The following SLC2A9 variants were observed in gnomAD, a reference collection of about 807,000 sequenced individuals.
SLC2A9 encodes solute carrier family 2, facilitated glucose transporter member 9.
Under a neutral mutation model 50.6 loss-of-function variants are expected in SLC2A9, and 39 were observed. That is an observed-to-expected ratio of 0.77 (90% CI 0.60 to 1.01). The LOEUF (loss-of-function observed/expected upper bound fraction) is 1.01. SLC2A9 is among the 50% of genes least tolerant of loss of function. The pLI, the probability that SLC2A9 is intolerant of heterozygous loss-of-function variation, is 0.00. For missense variants in SLC2A9, 686 were observed against 677.6 expected (o/e 1.01, Z -0.14); for synonymous variants, 324 against 276.9 (o/e 1.17, Z -1.69).
chr4:9,887,702 T>C, intron 9 of SLC2A9, 60 bp from the exon 10 acceptor site: 1 of 1,332,834 alleles, frequency 7.5e-7, no homozygotes, highest in Non-Finnish European at 9.9e-7. Context: ...AGGACCTGAG[T>C]TCCCACCCCA....
intron 6 of SLC2A9, 89 bp from the exon 7 acceptor site, chr4:9,920,661 C>T: frequency 6.8e-7 from 1 of 1,467,194 alleles, no homozygotes; most frequent in South Asian, 1.2e-5. Context: ...GGTCCCACCT[C>T]CTAGCCACAC....
chr4:10,020,160 A>G (rs967112834), intron 1 of SLC2A9, among the ~76,000 whole-genome samples: 2 of 152,022 alleles, frequency 1.3e-5, no homozygotes, highest in African/African-American at 4.8e-5. Context: ...ATATCAGTCA[A>G]ATCCCGTCTG....
intron 5 of SLC2A9, among the ~76,000 whole-genome samples, chr4:9,959,374 G>T (rs1182129200): frequency 6.9e-6 from 1 of 145,404 alleles, no homozygotes. Context: ...TCTAGCCTCG[G>T]AGATACACGA....
intron 8 of SLC2A9, among the ~76,000 whole-genome samples, chr4:9,899,481 G>T (rs1173304677): frequency 6.6e-6 from 1 of 152,174 alleles, no homozygotes; most frequent in Non-Finnish European, 1.5e-5. Context: ...AAGAAGCCAA[G>T]ACCTTGGAAA....
intron 5 of SLC2A9, among the ~76,000 whole-genome samples, chr4:9,973,178 C>T (rs1052927932): frequency 1.3e-5 from 2 of 152,066 alleles, no homozygotes; most frequent in South Asian, 2.1e-4. Flanking sequence ...TCTAGGCACA[C>T]AAACTAGAAA....
At chr4:9,856,774 T>C (rs1420346285) in intron 10 of SLC2A9, among the ~76,000 whole-genome samples, 2 of 152,232 alleles carry the variant, frequency 1.3e-5, no homozygotes, top group East Asian at 1.9e-4. Flanking sequence ...CATGGAATAC[T>C]ATGCAGCCAT....
intron 8 of SLC2A9, among the ~76,000 whole-genome samples, chr4:9,897,097 G>A (rs1005506422): frequency 2.6e-4 from 40 of 152,166 alleles, no homozygotes; most frequent in African/African-American, 9.7e-4. Flanking sequence ...TTAGCAACCT[G>A]GCTAAGGTTG....
intron 5 of SLC2A9, among the ~76,000 whole-genome samples, chr4:9,971,858 A>G (rs1753955478): frequency 6.6e-6 from 1 of 152,242 alleles, no homozygotes; most frequent in Non-Finnish European, 1.5e-5. Flanking sequence ...AACCTTGCAC[A>G]AAGGCCACTA....
In SLC2A9 at chr4:9,965,880, T is replaced by G. The variant is rs79384197; in HGVS notation, c.681+14712A>C. Among the ~76,000 whole-genome samples the G allele has an allele frequency of 6.7e-3, 1,016 of 152,250 alleles. 8 individuals are homozygous for G. The highest frequency in any genetic ancestry group is 0.023 in the African/African-American group (975 of 41,558). ...AACTCAAAAGAAAATAAAAATAGAT[T>G]TTTACGAAAGTAGTTAAAAGATATT... On this transcript the variant is annotated intron_variant, in intron 5 of 11. Transcript: ENST00000264784.
chr4:10,031,957 G>C (rs1450605509), intron 1 of SLC2A9, among the ~76,000 whole-genome samples: 1 of 152,220 alleles, frequency 6.6e-6, no homozygotes, highest in South Asian at 2.1e-4. Context: ...GGCAAAACAG[G>C]GCGCTGGAAA....
intron 2 of SLC2A9, among the ~76,000 whole-genome samples, chr4:9,998,816 A>G (rs551068072): frequency 3.7e-4 from 57 of 152,320 alleles, no homozygotes; most frequent in African/African-American, 1.3e-3. Context: ...TCACAGCCAC[A>G]AACATGAATG....
At position 9,987,862 on chromosome 4, in the gene SLC2A9, A is replaced by G. The variant is rs747217244; in HGVS notation, c.411-2069T>C. On this transcript the variant is annotated intron_variant, in intron 3 of 11. Coordinates refer to ENST00000264784, the MANE Select transcript of SLC2A9 (RefSeq NM_020041.3). Reference sequence around the variant, plus strand: ...AGAAAAGAAAAAGAAAGAAAGAAACATCAGTGAGGCCAGCCTGGCTGGAGG... The same window carrying G: ...AGAAAAGAAAAAGAAAGAAAGAAACGTCAGTGAGGCCAGCCTGGCTGGAGG... 5.9e-5 allele frequency among the ~76,000 whole-genome samples: 9 copies of G among 152,186 alleles called. 1 individual carries two copies. The highest frequency in any genetic ancestry group is 1.3e-4 in the Non-Finnish European group (9 of 68,044).
At chr4:9,881,204 T>C (rs1202709560) in intron 10 of SLC2A9, among the ~76,000 whole-genome samples, 1 of 152,236 alleles carries the variant, frequency 6.6e-6, no homozygotes. Context: ...CCAGTGGTTC[T>C]TGAACTTGGC....
intron 3 of SLC2A9, among the ~76,000 whole-genome samples, chr4:9,788,633 C>A (rs1719521687): frequency 6.6e-6 from 1 of 152,170 alleles, no homozygotes; most frequent in African/African-American, 2.4e-5. Context: ...CTAGGGGCAA[C>A]ACTCAGAACA....
chr4:10,019,252 C>T (rs1261474293), intron 1 of SLC2A9, 179 bp from the exon 2 acceptor site: 3 of 610,056 alleles, frequency 4.9e-6, no homozygotes, highest in African/African-American at 3.7e-5. Flanking sequence ...GGTTCCAGTC[C>T]AGGTCCGCGT....
chr4:9,882,768 A>T (rs971653158), intron 10 of SLC2A9, among the ~76,000 whole-genome samples: 15 of 152,128 alleles, frequency 9.9e-5, no homozygotes, highest in African/African-American at 3.6e-4. Flanking sequence ...GCTGATCTAT[A>T]AACCATCTTC....
intron 2 of SLC2A9, among the ~76,000 whole-genome samples, chr4:9,997,722 T>A (rs11943372): frequency 0.72 from 108,299 of 150,608 alleles, 39,006 homozygotes; most frequent in Non-Finnish European, 0.76. Context: ...GGGGGGCACA[T>A]ACCTAACAAA....
chr4:9,777,494 G>T (rs192874676), downstream of SLC2A9, among the ~76,000 whole-genome samples: 99 of 152,262 alleles, frequency 6.5e-4, no homozygotes, highest in East Asian at 4.6e-3. Context: ...AAAAATGCTT[G>T]TGGAATGAAT....
chr4:9,961,117 C>T (rs533614452), intron 5 of SLC2A9, among the ~76,000 whole-genome samples: 1 of 152,274 alleles, frequency 6.6e-6, no homozygotes, highest in South Asian at 2.1e-4. Flanking sequence ...AGCTAGAAAG[C>T]AGCAGAGGTA....
Sources: gnomAD v4.1 joint callset for allele counts (sites outside exome capture counted in the v4.1 genomes callset) on GRCh38, gnomAD v4.1.1 for gene constraint, MANE v1.5 for transcripts, NCBI Gene and HGNC (gene_info 2026-07-23, HGNC 2026-07-21) for gene names.